Variants in UBR4 observed in about 807,000 individuals in gnomAD.
UBR4 encodes ubiquitin protein ligase E3 component n-recognin 4.
In UBR4, 124 loss-of-function variants were observed where a neutral mutation model predicts 575.6. The ratio of observed to expected loss-of-function variants is 0.22; its 90% confidence interval spans 0.19 to 0.25. UBR4 has a LOEUF of 0.25. Among genes scored for constraint, UBR4 ranks in the 10% least tolerant of loss-of-function variants. The probability of loss-of-function intolerance (pLI) is 1.00; values close to 1 mark genes in which losing one functional copy is unlikely to be tolerated. For missense variants in UBR4, 4,818 were observed against 6,478.8 expected, an observed-to-expected ratio of 0.74 and a Z score of 8.80; for synonymous variants, 2,455 against 2,473.7, an observed-to-expected ratio of 0.99 and a Z score of 0.22.
Position 19,187,315 on chromosome 1 carries a change from T to C in UBR4, c.1495-14A>G, listed in dbSNP as rs2091642618. 5.0e-6 allele frequency: 8 copies of C among 1,611,462 alleles called. No individual in the cohort carries two copies. Among genetic ancestry groups the C allele is most frequent in the Middle Eastern group, 1.6e-4 (1 of 6,068 alleles). The stretch of plus-strand genomic sequence containing the variant: ...TGTCTCCCAACCCTGAAGGCAATGA[T>C]ATCAAAGGGCAATTAATGATACTAC... On this transcript the variant is annotated splice_polypyrimidine_tract_variant and intron_variant, in intron 12 of 105. Coordinates refer to ENST00000375254, the MANE Select transcript of UBR4 (RefSeq NM_020765.3).
rs752409948 is a variant in UBR4, at chr1:19,141,736, T to C, written c.8221A>G (p.Met2741Val). ...CCATTCGGGATCCCTGATGACTGCA[T>C]TTTCTCATCTGCATCATCATCGTCA... ...DDDDDDADEK[M>V]QSSGIPNGGH... Residue 2741 changes from methionine (M) to valine (V), a missense_variant, in exon 56 of 106, where the codon ATG becomes GTG. Met to Val is a conservative substitution (Grantham distance 21). Transcript: ENST00000375254. The C allele has an allele frequency of 2.5e-6, 4 of 1,614,210 alleles. No individual in the cohort carries two copies. Among genetic ancestry groups the C allele is most frequent in the Admixed American group, 1.7e-5 (1 of 60,032 alleles).
At chr1:19,077,888 A>C in intron 104 of UBR4, 88 bp downstream of exon 104, 3 of 1,608,236 alleles carry the variant, frequency 1.9e-6, no homozygotes, top group Non-Finnish European at 2.5e-6. Context: ...AGGAGCAGCC[A>C]TGTGGGTGCT....
In UBR4 at chr1:19,156,266, T is replaced by A; in HGVS notation, c.6072+5A>T. The A allele has an allele frequency of 6.2e-7, 1 of 1,614,048 alleles. No homozygotes were observed. The highest frequency in any genetic ancestry group is 8.5e-7 in the Non-Finnish European group (1 of 1,179,936). On this transcript the variant is annotated splice_donor_5th_base_variant and intron_variant, in intron 42 of 105. Transcript: ENST00000375254. ...GACCATATCATCAAAGAACTGTAAC[T>A]GTACCTTAACAAAGTCTGCGGTGAC... is the stretch of plus-strand genomic sequence containing the variant.
At position 19,113,772 on chromosome 1, in the gene UBR4, T is replaced by G. The variant is rs771427417; in HGVS notation, c.11384A>C (p.Tyr3795Ser). ...ATACTCCTGAGCCAACTGCAGGATGTAACGATTCACACTGGCAGAAGTGGA... is the reference window on the plus strand; with the variant it reads ...ATACTCCTGAGCCAACTGCAGGATGGAACGATTCACACTGGCAGAAGTGGA... Reference protein sequence around the residue: ...ISSTSASVNRYILQLAQEYCG... With the variant: ...ISSTSASVNRSILQLAQEYCG... Residue 3795 changes from tyrosine (Y) to serine (S), a missense_variant, in exon 77 of 106, where the codon TAC becomes TCC. Around this residue, in one of 29 missense-constraint regions of UBR4, gnomAD observed 333 missense variants for 459.2 expected, o/e 0.73. Transcript: ENST00000375254. 4 of 1,614,112 alleles carry G rather than the reference T, an allele frequency of 2.5e-6. No individual in the cohort carries two copies. Among genetic ancestry groups the G allele is most frequent in the Non-Finnish European group, 2.5e-6 (3 of 1,180,042 alleles).
chr1:19,133,112 G>A (rs926968866), intron 60 of UBR4, among the ~76,000 whole-genome samples: 11 of 152,062 alleles, frequency 7.2e-5, no homozygotes, highest in East Asian at 1.9e-4. Flanking sequence ...ATTTTATGAC[G>A]CCAGAATAAT....
chr1:19,149,624 T>C (rs1457490807), intron 49 of UBR4: 4 of 723,908 alleles, frequency 5.5e-6, no homozygotes, highest in Non-Finnish European at 8.0e-6. Flanking sequence ...GACAGCTCTG[T>C]AGCCATGCAA....
chr1:19,131,111 G>A (rs1191461057), intron 60 of UBR4, among the ~76,000 whole-genome samples: 2 of 151,450 alleles, frequency 1.3e-5, no homozygotes. Context: ...GTCTCCCTAT[G>A]TTGCCCAGGC....
chr1:19,119,954 C>A lies in UBR4; in HGVS notation c.10310+226G>T, dbSNP rs149992441. Among the ~76,000 whole-genome samples, 23 of 152,234 alleles carry A rather than the reference C, an allele frequency of 1.5e-4. No homozygotes were observed. In the East Asian group the frequency reaches 3.7e-3, roughly 24 times the overall value. On this transcript the variant is annotated intron_variant, in intron 69 of 105. Transcript: ENST00000375254. Reference sequence around the variant, plus strand: ...GGTCAAGCTTGGTCATGTTACAAACCCCGATACATAGCCTTCTGAGTAGAA... The same window carrying A: ...GGTCAAGCTTGGTCATGTTACAAACACCGATACATAGCCTTCTGAGTAGAA...
intron 94 of UBR4, 124 bp from the exon 95 acceptor site, chr1:19,094,263 G>T: frequency 3.1e-6 from 2 of 649,292 alleles, no homozygotes; most frequent in Non-Finnish European, 2.6e-6. Flanking sequence ...GAAGAACTAT[G>T]TCTCGGCACT....
At chr1:19,128,879 C>T (rs575848714) in intron 61 of UBR4, 99 bp downstream of exon 61, 4 of 1,061,516 alleles carry the variant, frequency 3.8e-6, no homozygotes, top group Non-Finnish European at 5.8e-6. Context: ...TGGCCTAACA[C>T]CAAACGAAGG....
rs376265727 is a variant in UBR4 at position 19,163,848 on chromosome 1, A to G, written c.4701-21T>C. The G allele has an allele frequency of 3.1e-5, 50 of 1,613,454 alleles. No individual in the cohort carries two copies. The African/African-American group carries it at 5.1e-4, about 16-fold the overall frequency. On this transcript the variant is annotated intron_variant, in intron 33 of 105. Coordinates refer to ENST00000375254, the MANE Select transcript of UBR4 (RefSeq NM_020765.3). ...TCTTGCTGTCCCAAAGAAAAAAAAG[A>G]GGGGAAAGAGGAGACACAAAATCAT...
At chr1:19,121,808 G>A in intron 67 of UBR4, 126 bp downstream of exon 67, 16 of 1,119,120 alleles carry the variant, frequency 1.4e-5, no homozygotes, top group Non-Finnish European at 2.0e-5. Flanking sequence ...GCTAGACAGA[G>A]TTCTGTCTAG....
At position 19,161,818 on chromosome 1, in the gene UBR4, T is replaced by C; in HGVS notation, c.5027+9A>G. ...CAAATCTTCACCTTAAAGGAAGAACTACCCTTACCAATGCTGGTTCATGAA... is the reference window on the plus strand; with the variant it reads ...CAAATCTTCACCTTAAAGGAAGAACCACCCTTACCAATGCTGGTTCATGAA... On this transcript the variant is annotated intron_variant, in intron 36 of 105. Coordinates refer to ENST00000375254, the MANE Select transcript of UBR4 (RefSeq NM_020765.3). 1 of 1,614,238 alleles carries C rather than the reference T, an allele frequency of 6.2e-7. No individual in the cohort carries two copies. Among genetic ancestry groups the C allele is most frequent in the East Asian group, 2.2e-5 (1 of 44,880 alleles).
chr1:19,115,023 T>C (rs1444381310), intron 74 of UBR4, 74 bp from the exon 75 acceptor site: 1 of 1,587,942 alleles, frequency 6.3e-7, no homozygotes, highest in Admixed American at 1.7e-5. Context: ...AGGAAATGGA[T>C]TGTGCCACAT....
intron 68 of UBR4, 30 bp downstream of exon 68, chr1:19,121,159 T>C (rs1254240156): frequency 2.5e-6 from 4 of 1,608,174 alleles, no homozygotes; most frequent in Admixed American, 1.7e-5. Context: ...TACATCATTG[T>C]AGTCACAATG....
chr1:19,195,468 A>C (rs1007068550), intron 8 of UBR4, among the ~76,000 whole-genome samples: 10 of 152,266 alleles, frequency 6.6e-5, no homozygotes, highest in Admixed American at 3.3e-4. Context: ...TGAATTTTTA[A>C]AGAATCTCTA....
At chr1:19,136,703 C>T (rs2083235539) in intron 60 of UBR4, among the ~76,000 whole-genome samples, 1 of 152,050 alleles carries the variant, frequency 6.6e-6, no homozygotes, top group Non-Finnish European at 1.5e-5. Flanking sequence ...AAGACAAAAG[C>T]AGGCTGGATT....
At chr1:19,172,164 T>C (rs1472996538) in intron 25 of UBR4, among the ~76,000 whole-genome samples, 1 of 152,244 alleles carries the variant, frequency 6.6e-6, no homozygotes, top group Non-Finnish European at 1.5e-5. Context: ...GAATTTCAAA[T>C]AATTTCTAAC....
intron 55 of UBR4, 53 bp downstream of exon 55, chr1:19,143,927 C>G: frequency 6.5e-7 from 1 of 1,550,060 alleles, no homozygotes. Context: ...GTACCTCCCT[C>G]TCTCCCCTCC....
Sources: gnomAD v4.1 joint callset for allele counts (sites outside exome capture counted in the v4.1 genomes callset) on GRCh38, gnomAD v4.1.1 for gene constraint, gnomAD v4.1.1 regional missense constraint, MANE v1.5 for transcripts, NCBI Gene and HGNC (gene_info 2026-07-23, HGNC 2026-07-21) for gene names.